Variants in ENC1 observed in about 807,000 individuals in gnomAD.
ENC1 encodes ectoderm-neural cortex protein 1.
In ENC1, 19 loss-of-function variants were observed where a neutral mutation model predicts 40.9. The observed-to-expected ratio is 0.46, with a 90% confidence interval of 0.32 to 0.68. ENC1 has a LOEUF of 0.68. Among genes scored for constraint, ENC1 ranks in the 30% least tolerant of loss-of-function variants. The pLI is 0.03. For missense variants in ENC1, 479 were observed against 737.5 expected (o/e 0.65, Z 4.06); for synonymous variants, 285 against 291.1 (o/e 0.98, Z 0.21).
chr5:74,632,420 T>C (rs1309698680), intron 2 of ENC1, among the ~76,000 whole-genome samples: 2 of 152,258 alleles, frequency 1.3e-5, no homozygotes, highest in Non-Finnish European at 2.9e-5. Context: ...TGAGACACTA[T>C]TAGCCCAGTT....
chr5:74,635,935 T>C lies in ENC1; in HGVS notation c.551A>G (p.Asp184Gly). 6.2e-7 allele frequency: 1 copy of C among 1,614,086 alleles called. No homozygotes were observed. The highest frequency in any genetic ancestry group is 1.1e-5 in the South Asian group (1 of 91,080). The part of the protein sequence containing the change: ...SNFQTIRKNE[D>G]FLQLPQDMVV... ...CATGTCCTGGGGCAGCTGGAGGAAA[T>C]CTTCATTCTTCCTGATGGTTTGGAA... is the stretch of plus-strand genomic sequence containing the variant. The change falls in exon 2 of 3, where the codon GAT (aspartate) becomes GGT (glycine). Residue 184 changes from aspartate (D) to glycine (G), a missense_variant. Asp to Gly is a moderately conservative substitution (Grantham distance 94). Transcript: ENST00000302351. The surrounding 1 kb of genome is among the most constrained non-coding windows in gnomAD (Gnocchi z 5.5).
rs1747306391 is a variant in ENC1 at position 74,629,210 on chromosome 5, T to A, written c.*815A>T. 1 of 140,524 alleles carries A rather than the reference T, an allele frequency of 7.1e-6. No individual in the cohort carries two copies. The highest frequency in any genetic ancestry group is 1.6e-5 in the Non-Finnish European group (1 of 64,086). The allele number at this position is 140,524 out of a possible 1,614,324, so 8.7% of individuals were successfully genotyped here. ...ACCCACCCTCCAGTTATGCTCCAAA[T>A]TGTAACTCAAAAATTTTCATGTTTG... On this transcript the variant is annotated 3_prime_UTR_variant, in exon 3 of 3. Transcript: ENST00000302351.
rs1363883541 is a variant in ENC1 at position 74,628,099 on chromosome 5, G to C, written c.*1926C>G. On this transcript the variant is annotated 3_prime_UTR_variant, in exon 3 of 3. Transcript: ENST00000302351. ...AAACGACACTGACTATGCCCACTGG[G>C]GGACAATTAGACATTTGCATTGCTT... 2 of 152,480 alleles carry C rather than the reference G, an allele frequency of 1.3e-5. No individual in the cohort carries two copies. The highest frequency in any genetic ancestry group is 2.1e-4 in the South Asian group (1 of 4,830). 9.4% of individuals were successfully genotyped at this position (152,480 alleles called of 1,614,324 possible). A position where few individuals can be genotyped will look rare whatever the true frequency, so the allele number is the denominator to read the frequency against.
At chr5:74,634,103 G>A (rs1034890397) in intron 2 of ENC1, among the ~76,000 whole-genome samples, 1 of 152,116 alleles carries the variant, frequency 6.6e-6, no homozygotes, top group Admixed American at 6.5e-5. Flanking sequence ...AAGTCTCTGG[G>A]ATGGGCAGTT....
Position 74,636,758 on chromosome 5 carries a change from C to T in ENC1, c.-13-260G>A, listed in dbSNP as rs1437395911. On this transcript the variant is annotated intron_variant, in intron 1 of 2. Coordinates refer to ENST00000302351, the MANE Select transcript of ENC1 (RefSeq NM_003633.4). The surrounding 1 kb of genome is among the most constrained non-coding windows in gnomAD (Gnocchi z 4.8). Reference sequence around the variant, plus strand: ...AAAAAAAAAATCACTGCATAAAAAGCAGGTTCATCTTGGAAAACCTGATTG... The same window carrying T: ...AAAAAAAAAATCACTGCATAAAAAGTAGGTTCATCTTGGAAAACCTGATTG... Among the ~76,000 whole-genome samples the T allele has an allele frequency of 1.3e-5, 2 of 151,690 alleles. No homozygotes were observed. Among genetic ancestry groups the T allele is most frequent in the East Asian group, 1.9e-4 (1 of 5,176 alleles).
intron 2 of ENC1, among the ~76,000 whole-genome samples, chr5:74,632,627 G>T (rs887612701): frequency 6.6e-6 from 1 of 152,206 alleles, no homozygotes; most frequent in African/African-American, 2.4e-5. Context: ...GCTGAGATGG[G>T]TGGATCACTT....
intron 2 of ENC1, chr5:74,632,171 T>G (rs1747415767): frequency 1.3e-5 from 2 of 152,260 alleles, no homozygotes; most frequent in South Asian, 4.1e-4. Flanking sequence ...CCATTGTCAT[T>G]TTTTATGTAC....
intron 2 of ENC1, among the ~76,000 whole-genome samples, chr5:74,630,196 A>G (rs1747345777): frequency 6.6e-6 from 1 of 152,228 alleles, no homozygotes. Context: ...CCTTAAATGC[A>G]CACACGTGTG....
In ENC1 at chr5:74,634,835, G is replaced by T. The variant is rs1044827191; in HGVS notation, c.1651C>A (p.Arg551=). The T allele has an allele frequency of 1.2e-6, 2 of 1,613,880 alleles. No homozygotes were observed. Among genetic ancestry groups the T allele is most frequent in the African/African-American group, 1.3e-5 (1 of 74,898 alleles). The change falls in exon 2 of 3, where the codon CGA becomes AGA. Residue 551 remains arginine, a synonymous_variant. Transcript: ENST00000302351. The part of the protein sequence containing the change: ...YVVGGYFGIQ[R]CKTLDCYDPT... The stretch of plus-strand genomic sequence containing the variant: ...TCGTAGCAGTCCAAAGTCTTGCATC[G>T]CTGAATGCCAAAGTATCCTCCAACC...
At chr5:74,634,638 A>G in intron 2 of ENC1, 46 bp downstream of exon 2, 2 of 903,210 alleles carry the variant, frequency 2.2e-6, no homozygotes, top group Non-Finnish European at 3.5e-6. Flanking sequence ...AACTTACACA[A>G]TAGCCTAATT....
At chr5:74,638,014 T>C (rs1414002824) in intron 1 of ENC1, among the ~76,000 whole-genome samples, 1 of 152,174 alleles carries the variant, frequency 6.6e-6, no homozygotes, top group Non-Finnish European at 1.5e-5. Context: ...ATCCCTCTGT[T>C]ACTTCAAAGG....
chr5:74,639,680 C>T (rs1747762008), intron 1 of ENC1, among the ~76,000 whole-genome samples: 2 of 152,360 alleles, frequency 1.3e-5, no homozygotes, highest in South Asian at 4.1e-4. Context: ...ATTTAACAAG[C>T]TGGCCATGCC....
chr5:74,635,474 T>C lies in ENC1; in HGVS notation c.1012A>G (p.Ile338Val). 1 of 1,614,138 alleles carries C rather than the reference T, an allele frequency of 6.2e-7. No individual in the cohort carries two copies. Among genetic ancestry groups the C allele is most frequent in the Non-Finnish European group, 8.5e-7 (1 of 1,180,026 alleles). Residue 338 changes from isoleucine to valine, a missense_variant, in exon 2 of 3, where the codon ATT (isoleucine) becomes GTT (valine). By Grantham distance (29) the Ile-to-Val change is conservative (BLOSUM62 3). Coordinates refer to ENST00000302351, the MANE Select transcript of ENC1 (RefSeq NM_003633.4). This position sits in a 1 kb window ranked among gnomAD's most constrained non-coding sequence, Gnocchi z 5.5. ...CCAGTAATGTACACTTTGCAGCCAATCGCACATGCACTAAACTCTTTTCTT... is the reference window on the plus strand; with the variant it reads ...CCAGTAATGTACACTTTGCAGCCAACCGCACATGCACTAAACTCTTTTCTT... Reference protein sequence around the residue: ...SPRKEFSACAIGCKVYITGGR... With the variant: ...SPRKEFSACAVGCKVYITGGR...
chr5:74,636,473 CACTG>C lies in ENC1; in HGVS notation c.9_12del (p.Ser4CysfsTer32). ...GCCCTGGACTTGCGGTTCTCATGCACACTGACTGACATTTTGTTTCCACTCCTAA... is the reference window on the plus strand; with the variant it reads ...GCCCTGGACTTGCGGTTCTCATGCACACTGACATTTTGTTTCCACTCCTAA... On this transcript the variant is annotated frameshift_variant, in exon 2 of 3. Coordinates refer to ENST00000302351, the MANE Select transcript of ENC1 (RefSeq NM_003633.4). LOFTEE classifies it high-confidence loss of function. This position sits in a 1 kb window ranked among gnomAD's most constrained non-coding sequence, Gnocchi z 4.8. The C allele has an allele frequency of 6.3e-7, 1 of 1,596,088 alleles. No individual in the cohort carries two copies. The highest frequency in any genetic ancestry group is 2.2e-5 in the East Asian group (1 of 44,524).
At chr5:74,630,693 A>G (rs1436726561) in intron 2 of ENC1, among the ~76,000 whole-genome samples, 2 of 152,212 alleles carry the variant, frequency 1.3e-5, no homozygotes, top group Non-Finnish European at 2.9e-5. Context: ...TCAAGTGTGA[A>G]TATCAATTCA....
In ENC1 at chr5:74,629,015, A is replaced by G. The variant is rs1296506344; in HGVS notation, c.*1010T>C. The G allele has an allele frequency of 6.6e-6, 1 of 152,204 alleles. No individual in the cohort carries two copies. The highest frequency in any genetic ancestry group is 1.5e-5 in the Non-Finnish European group (1 of 68,032). The allele number at this position is 152,204 out of a possible 1,614,324, so 9.4% of individuals were successfully genotyped here. On this transcript the variant is annotated 3_prime_UTR_variant, in exon 3 of 3. Coordinates refer to ENST00000302351, the MANE Select transcript of ENC1 (RefSeq NM_003633.4). The stretch of plus-strand genomic sequence containing the variant: ...GATGGGAGTGGGGAGAAGGGCAGAA[A>G]GCAGCCTCCCCTTACCCTATCAGCA...
rs1167218943 is a variant in ENC1 at position 74,640,699 on chromosome 5, G to C, written c.-406C>G. 6.6e-6 allele frequency: 1 copy of C among 152,660 alleles called. No homozygotes were observed. Among genetic ancestry groups the C allele is most frequent in the Non-Finnish European group, 1.5e-5 (1 of 68,416 alleles). The allele number at this position is 152,660 out of a possible 1,614,324, so 9.5% of individuals were successfully genotyped here. ...GTCTCCGCAGCGCCACCGCCGCACC[G>C]CCTCCTCTCCGGCTGCCAGAGCAGT... On this transcript the variant is annotated 5_prime_UTR_variant, in exon 1 of 3. Coordinates refer to ENST00000302351, the MANE Select transcript of ENC1 (RefSeq NM_003633.4).
At position 74,635,301 on chromosome 5, in the gene ENC1, C is replaced by G. The variant is rs749528223; in HGVS notation, c.1185G>C (p.Gly395=). 2 of 1,614,052 alleles carry G rather than the reference C, an allele frequency of 1.2e-6. No individual in the cohort carries two copies. The highest frequency in any genetic ancestry group is 2.2e-5 in the East Asian group (1 of 44,860). ...ELKHCLYVVG[G]HTAATGCLPA... ...GGAGGCAGCCAGTTGCGGCCGTGTG[C>G]CCCCCAACCACATACAGGCAGTGCT... The change falls in exon 2 of 3, where the codon GGG becomes GGC. Residue 395 remains glycine, a synonymous_variant. Coordinates refer to ENST00000302351, the MANE Select transcript of ENC1 (RefSeq NM_003633.4). This position sits in a 1 kb window ranked among gnomAD's most constrained non-coding sequence, Gnocchi z 5.5.
rs11430998 is a variant in ENC1 at position 74,636,726 on chromosome 5, TAAAAAA to T, written c.-13-234_-13-229del. Among the ~76,000 whole-genome samples, 2 of 146,486 alleles carry T rather than the reference TAAAAAA, an allele frequency of 1.4e-5. No individual in the cohort carries two copies. Among genetic ancestry groups the T allele is most frequent in the Admixed American group, 6.8e-5 (1 of 14,654 alleles). ...TGAGCTATTTGAACTCTGCACTGTT[TAAAAAA>T]AAAAAAAAAATCACTGCATAAAAAG... On this transcript the variant is annotated intron_variant, in intron 1 of 2. Transcript: ENST00000302351. This position sits in a 1 kb window ranked among gnomAD's most constrained non-coding sequence, Gnocchi z 4.8.
Sources: gnomAD v4.1 joint callset for allele counts (sites outside exome capture counted in the v4.1 genomes callset) on GRCh38, gnomAD v4.1.1 for gene constraint, Gnocchi (gnomAD v3.1) non-coding constraint, MANE v1.5 for transcripts, NCBI Gene and HGNC (gene_info 2026-07-23, HGNC 2026-07-21) for gene names.